The following CRADD variants were observed in gnomAD, a reference collection of about 807,000 sequenced individuals.
CRADD encodes the protein death domain-containing protein CRADD.
In CRADD, 9 loss-of-function variants were observed where a neutral mutation model predicts 15.5. The ratio of observed to expected loss-of-function variants is 0.58; its 90% CI spans 0.35 to 1.01. The LOEUF (loss-of-function observed/expected upper bound fraction) is 1.01, where lower values mean the gene tolerates loss of function less well. CRADD is among the 50% of genes least tolerant of loss of function. CRADD has a pLI of 0.02. For synonymous variants in CRADD, 118 were observed against 107.6 expected (o/e 1.10, Z -0.60); for missense variants, 227 against 250.3 (o/e 0.91, Z 0.63).
chr12:93,887,255 T>TA (rs756323183), intron 2 of CRADD, among the ~76,000 whole-genome samples: 2 of 152,148 alleles, frequency 1.3e-5, no homozygotes, highest in Non-Finnish European at 2.9e-5. Context: ...AAACGATGAT[T>TA]AAAAATGAAA....
chr12:93,759,997 G>C (rs1457361707), intron 2 of CRADD, among the ~76,000 whole-genome samples: 1 of 152,140 alleles, frequency 6.6e-6, no homozygotes. Context: ...GGTTTTCAAG[G>C]TCAGGCTGCT....
At chr12:93,860,717 C>T (rs1445052008) in intron 2 of CRADD, among the ~76,000 whole-genome samples, 1 of 152,124 alleles carries the variant, frequency 6.6e-6, no homozygotes, top group Non-Finnish European at 1.5e-5. Context: ...ATCAGGAGGA[C>T]ATTTACATGA....
At chr12:93,891,351 G>T (rs1377447632) in intron 2 of CRADD, among the ~76,000 whole-genome samples, 1 of 152,070 alleles carries the variant, frequency 6.6e-6, no homozygotes, top group Non-Finnish European at 1.5e-5. Context: ...GCCGGGCATG[G>T]TGGCACATAC....
intron 2 of CRADD, among the ~76,000 whole-genome samples, chr12:93,716,843 G>A (rs923158879): frequency 1.3e-5 from 2 of 152,174 alleles, no homozygotes; most frequent in African/African-American, 2.4e-5. Context: ...AAACATCTAT[G>A]TGCAGGTTCC....
chr12:93,706,475 C>G lies in CRADD; in HGVS notation c.298+27403C>G, dbSNP rs79424391. On this transcript the variant is annotated intron_variant, in intron 2 of 2. Coordinates refer to ENST00000332896, the MANE Select transcript of CRADD (RefSeq NM_003805.5). ...TTACCTTTACTCTTCTCCCTGGGTC[C>G]ACTTAATGGTTCTGTATTTTTTTGG... 6.6e-3 allele frequency among the ~76,000 whole-genome samples: 998 copies of G among 152,226 alleles called. 21 individuals are homozygous for G. The highest frequency in any genetic ancestry group is 0.023 in the African/African-American group (950 of 41,558).
intron 2 of CRADD, among the ~76,000 whole-genome samples, chr12:93,680,435 C>A (rs1310329853): frequency 6.6e-6 from 1 of 152,204 alleles, no homozygotes. Context: ...ACCTGATCAG[C>A]ATGACATAGC....
chr12:93,774,918 G>A (rs1043922628), intron 2 of CRADD, among the ~76,000 whole-genome samples: 3 of 152,186 alleles, frequency 2.0e-5, no homozygotes, highest in African/African-American at 7.2e-5. Flanking sequence ...GGGTGGGGAG[G>A]GAGAGGGCAT....
chr12:93,762,004 G>T (rs1956971127), intron 2 of CRADD, among the ~76,000 whole-genome samples: 2 of 152,072 alleles, frequency 1.3e-5, no homozygotes, highest in African/African-American at 2.4e-5. Flanking sequence ...CAACCTTAAA[G>T]GAAATACTAC....
At chr12:93,776,907 C>T (rs560994670) in intron 2 of CRADD, among the ~76,000 whole-genome samples, 13 of 152,060 alleles carry the variant, frequency 8.5e-5, no homozygotes, top group Admixed American at 7.2e-4. Context: ...ACTCCTGATA[C>T]GTAAAGGGTT....
intron 2 of CRADD, among the ~76,000 whole-genome samples, chr12:93,728,720 AG>A (rs1373428063): frequency 1.3e-5 from 2 of 152,234 alleles, no homozygotes; most frequent in Admixed American, 1.3e-4. Flanking sequence ...TACAAGAAAA[AG>A]TTATAGCCTT....
chr12:93,804,916 G>C (rs1190634653), intron 2 of CRADD, among the ~76,000 whole-genome samples: 1 of 152,090 alleles, frequency 6.6e-6, no homozygotes, highest in African/African-American at 2.4e-5. Flanking sequence ...AACTCTGACA[G>C]ATGATTAATA....
At chr12:93,842,045 C>T (rs892878657) in intron 2 of CRADD, among the ~76,000 whole-genome samples, 1 of 152,106 alleles carries the variant, frequency 6.6e-6, no homozygotes, top group African/African-American at 2.4e-5. Context: ...CACAAAATAA[C>T]TGAAGTTGAG....
At chr12:93,761,546 G>A (rs919363945) in intron 2 of CRADD, among the ~76,000 whole-genome samples, 2 of 152,104 alleles carry the variant, frequency 1.3e-5, no homozygotes, top group Non-Finnish European at 1.5e-5. Flanking sequence ...TAGGGACGAC[G>A]AAAGGAAGGT....
chr12:93,723,450 G>A (rs1439275666), intron 2 of CRADD, among the ~76,000 whole-genome samples: 1 of 152,120 alleles, frequency 6.6e-6, no homozygotes, highest in African/African-American at 2.4e-5. Context: ...CCGCACCCAG[G>A]AACTGACTCA....
chr12:93,788,377 C>A (rs1196638485), intron 2 of CRADD, among the ~76,000 whole-genome samples: 2 of 152,072 alleles, frequency 1.3e-5, no homozygotes, highest in East Asian at 3.9e-4. Flanking sequence ...CACCTTGTCC[C>A]TCTCATGACA....
rs1248106760 is a variant in CRADD, at chr12:93,679,086, A to C, written c.298+14A>C. On this transcript the variant is annotated intron_variant, in intron 2 of 2. Coordinates refer to ENST00000332896, the MANE Select transcript of CRADD (RefSeq NM_003805.5). ...ACCTGCCTGCAGGTAGGCCTCAGAA[A>C]GATCACTTTGAACCAGCTCCAAAAT... 6.2e-7 allele frequency: 1 copy of C among 1,602,082 alleles called. No homozygotes were observed. Among genetic ancestry groups the C allele is most frequent in the African/African-American group, 1.3e-5 (1 of 74,280 alleles).
chr12:93,891,950 C>A (rs1464766568), intron 2 of CRADD, among the ~76,000 whole-genome samples: 10 of 152,202 alleles, frequency 6.6e-5, no homozygotes, highest in African/African-American at 2.4e-4. Context: ...TTTCTGTTAT[C>A]CATTTCAAGG....
intron 2 of CRADD, among the ~76,000 whole-genome samples, chr12:93,869,660 C>G (rs1958401718): frequency 6.6e-6 from 1 of 151,920 alleles, no homozygotes; most frequent in South Asian, 2.1e-4. Flanking sequence ...AAATACAATA[C>G]CTGAAAAAAT....
At position 93,850,311 on chromosome 12, in the gene CRADD, C is replaced by A; in HGVS notation, c.*40C>A. 3 of 1,541,356 alleles carry A rather than the reference C, an allele frequency of 1.9e-6. No homozygotes were observed. In the South Asian group the frequency reaches 3.7e-5, roughly 19 times the overall value. On this transcript the variant is annotated 3_prime_UTR_variant, in exon 3 of 3. Transcript: ENST00000332896. The surrounding 1 kb of genome is among the most constrained non-coding windows in gnomAD (Gnocchi z 4.0). ...ACCGCTGGGGAGTGTGTCCCTGAGT[C>A]ATGTGGGCTGAATCCTGACTTTCAC...
Sources: allele counts gnomAD v4.1 joint callset (sites outside exome capture counted in the v4.1 genomes callset), GRCh38; gene constraint gnomAD v4.1.1; non-coding constraint Gnocchi (gnomAD v3.1); transcripts MANE v1.5; gene names NCBI Gene and HGNC (gene_info 2026-07-23, HGNC 2026-07-21).